Variants in KCNJ3 observed in about 807,000 individuals in gnomAD.
The protein encoded by KCNJ3 is potassium inwardly rectifying channel subfamily J member 3.
KCNJ3 carries 4 observed loss-of-function variants against 39.2 expected under a neutral mutation model. The observed-to-expected ratio is 0.10, with a 90% CI of 0.05 to 0.23. The LOEUF (loss-of-function observed/expected upper bound fraction) is 0.23. Among genes scored for constraint, KCNJ3 ranks in the 10% least tolerant of loss-of-function variants. KCNJ3 has a pLI of 1.00. For missense variants in KCNJ3, 276 were observed against 634.9 expected, an observed-to-expected ratio of 0.43 and a Z score of 6.08; for synonymous variants, 230 against 237.4, an observed-to-expected ratio of 0.97 and a Z score of 0.29.
chr2:154,750,449 C>T (rs1558863916), intron 2 of KCNJ3, among the ~76,000 whole-genome samples: 1 of 151,920 alleles, frequency 6.6e-6, no homozygotes, highest in Non-Finnish European at 1.5e-5. Flanking sequence ...TTCCCTAATG[C>T]AACGGTAACT....
chr2:154,850,790 C>T (rs976455747), intron 2 of KCNJ3, among the ~76,000 whole-genome samples: 1 of 152,130 alleles, frequency 6.6e-6, no homozygotes, highest in African/African-American at 2.4e-5. Flanking sequence ...ATTCTGCTTG[C>T]TGCAAGCCTT....
At chr2:154,808,535 G>T (rs1374211249) in intron 2 of KCNJ3, among the ~76,000 whole-genome samples, 2 of 152,082 alleles carry the variant, frequency 1.3e-5, no homozygotes, top group Non-Finnish European at 2.9e-5. Flanking sequence ...AGACAATTCA[G>T]GTGGCTGAAC....
intron 2 of KCNJ3, among the ~76,000 whole-genome samples, chr2:154,726,713 C>T (rs1171891719): frequency 6.7e-6 from 1 of 150,150 alleles, no homozygotes; most frequent in Non-Finnish European, 1.5e-5. Flanking sequence ...TGGAACTAGC[C>T]CAAATGACCA....
intron 2 of KCNJ3, among the ~76,000 whole-genome samples, chr2:154,848,828 T>C (rs938920159): frequency 6.6e-6 from 1 of 152,162 alleles, no homozygotes; most frequent in South Asian, 2.1e-4. Flanking sequence ...CAGGGAGTTG[T>C]GCAGAGTGCC....
At chr2:154,790,060 G>A (rs931443013) in intron 2 of KCNJ3, among the ~76,000 whole-genome samples, 1 of 152,030 alleles carries the variant, frequency 6.6e-6, no homozygotes, top group African/African-American at 2.4e-5. Context: ...GATCCAACAT[G>A]TTTCATAAAT....
chr2:154,699,552 A>G lies in KCNJ3; in HGVS notation c.702+75A>G, dbSNP rs967744099. On this transcript the variant is annotated intron_variant, in intron 1 of 2. Coordinates refer to ENST00000295101, the MANE Select transcript of KCNJ3 (RefSeq NM_002239.4). This position sits in a 1 kb window ranked among gnomAD's most constrained non-coding sequence, Gnocchi z 6.4. ...CCGCGGAGTAACTCGTCTGAGAACC[A>G]GCCCGGGCCCCCTCCCCTGGTTCTA... 34 of 1,483,628 alleles carry G rather than the reference A, an allele frequency of 2.3e-5. No individual in the cohort carries two copies. The highest frequency in any genetic ancestry group is 2.8e-5 in the African/African-American group (2 of 71,996). 91.9% of individuals were successfully genotyped at this position (1,483,628 alleles called of 1,614,324 possible).
chr2:154,804,624 T>C (rs1332099278), intron 2 of KCNJ3, among the ~76,000 whole-genome samples: 1 of 152,168 alleles, frequency 6.6e-6, no homozygotes, highest in African/African-American at 2.4e-5. Flanking sequence ...TGTCAAGTAC[T>C]AGGCAAGGTG....
chr2:154,760,945 G>A (rs1181596185), intron 2 of KCNJ3, among the ~76,000 whole-genome samples: 1 of 150,934 alleles, frequency 6.6e-6, no homozygotes, highest in African/African-American at 2.4e-5. Context: ...CAGCGTGTTA[G>A]CCAGGATGGT....
chr2:154,854,651 AATT>A, intron 2 of KCNJ3, 73 bp from the exon 3 acceptor site: 1 of 1,051,174 alleles, frequency 9.5e-7, no homozygotes. Flanking sequence ...AAGTGAAATG[AATT>A]ATTTAGGCCA....
At chr2:154,751,497 T>C (rs531618016) in intron 2 of KCNJ3, among the ~76,000 whole-genome samples, 1 of 152,218 alleles carries the variant, frequency 6.6e-6, no homozygotes, top group Non-Finnish European at 1.5e-5. Context: ...ATGTCCTATA[T>C]GATCTGCATC....
intron 2 of KCNJ3, among the ~76,000 whole-genome samples, chr2:154,832,832 G>GT (rs1687386613): frequency 6.6e-6 from 1 of 152,122 alleles, no homozygotes; most frequent in Non-Finnish European, 1.5e-5. Flanking sequence ...GAAAATCTAC[G>GT]TATTTCTTGC....
chr2:154,702,076 C>T (rs1684908371), intron 1 of KCNJ3, among the ~76,000 whole-genome samples: 1 of 151,916 alleles, frequency 6.6e-6, no homozygotes, highest in Non-Finnish European at 1.5e-5. Flanking sequence ...CTAAAACAGT[C>T]AACTGTATTT....
At chr2:154,766,120 A>G (rs1256968928) in intron 2 of KCNJ3, among the ~76,000 whole-genome samples, 1 of 152,234 alleles carries the variant, frequency 6.6e-6, no homozygotes, top group Non-Finnish European at 1.5e-5. Flanking sequence ...CTTGAATTTA[A>G]CTACTTAAGA....
intron 2 of KCNJ3, among the ~76,000 whole-genome samples, chr2:154,779,591 T>G (rs990981291): frequency 6.7e-6 from 1 of 148,978 alleles, no homozygotes; most frequent in African/African-American, 2.4e-5. Context: ...TATCCTAGGC[T>G]GGAGTGCAGT....
At chr2:154,709,885 T>C (rs1455194422) in intron 2 of KCNJ3, 66 bp downstream of exon 2, 2 of 1,554,972 alleles carry the variant, frequency 1.3e-6, no homozygotes, top group Non-Finnish European at 1.7e-6. Flanking sequence ...ATATGCACAA[T>C]ACCTGTCATG....
chr2:154,800,209 C>T (rs1175218130), intron 2 of KCNJ3, among the ~76,000 whole-genome samples: 1 of 152,184 alleles, frequency 6.6e-6, no homozygotes, highest in Non-Finnish European at 1.5e-5. Flanking sequence ...TCTTTGCCTC[C>T]AGCTCTAGAA....
chr2:154,787,187 T>A (rs981026765), intron 2 of KCNJ3, among the ~76,000 whole-genome samples: 20 of 152,352 alleles, frequency 1.3e-4, no homozygotes, highest in African/African-American at 4.8e-4. Context: ...TATGGCTCTC[T>A]TTCATCCTCC....
At chr2:154,794,537 T>G (rs771646017) in intron 2 of KCNJ3, among the ~76,000 whole-genome samples, 4 of 151,914 alleles carry the variant, frequency 2.6e-5, no homozygotes, top group Non-Finnish European at 5.9e-5. Flanking sequence ...TATGACTGAG[T>G]GGAGGAGAGA....
chr2:154,817,482 G>A (rs1687103769), intron 2 of KCNJ3, among the ~76,000 whole-genome samples: 1 of 152,062 alleles, frequency 6.6e-6, no homozygotes, highest in South Asian at 2.1e-4. Flanking sequence ...CCTATTAGAT[G>A]TGTCACAAAA....
Sources: gnomAD v4.1 joint callset for allele counts (sites outside exome capture counted in the v4.1 genomes callset) on GRCh38, gnomAD v4.1.1 for gene constraint, Gnocchi (gnomAD v3.1) non-coding constraint, MANE v1.5 for transcripts, NCBI Gene and HGNC (gene_info 2026-07-23, HGNC 2026-07-21) for gene names.